Variants in SGCD observed in about 807,000 individuals in gnomAD.
The protein encoded by SGCD is delta-sarcoglycan.
SGCD carries 18 observed loss-of-function variants against 36.6 expected under a neutral mutation model. The ratio of observed to expected loss-of-function variants is 0.49; its 90% CI spans 0.34 to 0.73. SGCD has a LOEUF of 0.73. SGCD is among the 30% of genes least tolerant of loss of function. The probability of loss-of-function intolerance (pLI) is 0.01; values close to 1 mark genes in which losing one functional copy is unlikely to be tolerated. For missense variants in SGCD, 387 were observed against 346.7 expected (o/e 1.12, Z -0.92); for synonymous variants, 133 against 130.6 (o/e 1.02, Z -0.12).
chr5:155,757,654 C>T, the SGCD span, among the ~76,000 whole-genome samples: 2 of 152,056 alleles, frequency 1.3e-5, no homozygotes, highest in Non-Finnish European at 2.9e-5. Flanking sequence ...AGGGACATGC[C>T]CCGGGTTGTA....
intron 3 of SGCD, among the ~76,000 whole-genome samples, chr5:156,143,439 G>T (rs1424755455): frequency 6.6e-6 from 1 of 152,172 alleles, no homozygotes; most frequent in Non-Finnish European, 1.5e-5. Flanking sequence ...TGTGAGAGGA[G>T]CACCAACACC....
chr5:156,197,472 C>CA (rs1764048704), intron 3 of SGCD, among the ~76,000 whole-genome samples: 1 of 134,000 alleles, frequency 7.5e-6, no homozygotes, highest in Non-Finnish European at 1.6e-5. Flanking sequence ...AATAGTTTTC[C>CA]TTTTTTTTTT....
chr5:156,117,195 T>C (rs1761925479), intron 1 of SGCD, among the ~76,000 whole-genome samples: 1 of 152,116 alleles, frequency 6.6e-6, no homozygotes, highest in African/African-American at 2.4e-5. Context: ...GTCCATACTC[T>C]GAATAATTTG....
Position 156,308,592 on chromosome 5 carries a change from C to T in SGCD, c.-43-20942C>T, listed in dbSNP as rs544634596. 6.6e-5 allele frequency among the ~76,000 whole-genome samples: 10 copies of T among 152,204 alleles called. No individual in the cohort carries two copies. The South Asian group carries it at 2.1e-3, about 32-fold the overall frequency. On this transcript the variant is annotated intron_variant, in intron 3 of 9. Coordinates refer to the SGCD transcript ENST00000517913. The stretch of plus-strand genomic sequence containing the variant: ...GGATTACGGGCATGAGCCACCGCAC[C>T]TGGCCAGAAGTGCCATACTTTTAAA...
At chr5:156,271,405 A>G (rs944210434) in intron 3 of SGCD, among the ~76,000 whole-genome samples, 3 of 152,086 alleles carry the variant, frequency 2.0e-5, no homozygotes, top group Non-Finnish European at 2.9e-5. Context: ...AAATCATAAT[A>G]TCTCTGAGGC....
intron 3 of SGCD, among the ~76,000 whole-genome samples, chr5:156,359,248 A>G (rs1769652421): frequency 6.6e-6 from 1 of 152,180 alleles, no homozygotes; most frequent in East Asian, 1.9e-4. Context: ...GTTTATAACA[A>G]GTCTTTTGCT....
chr5:155,902,348 TG>T (rs1756409894), intron 1 of SGCD, among the ~76,000 whole-genome samples: 1 of 152,236 alleles, frequency 6.6e-6, no homozygotes, highest in African/African-American at 2.4e-5. Context: ...AAATGTTAGT[TG>T]GTATTGTTAA....
intron 4 of SGCD, among the ~76,000 whole-genome samples, chr5:156,514,374 T>G (rs1350748966): frequency 6.6e-6 from 1 of 152,224 alleles, no homozygotes; most frequent in African/African-American, 2.4e-5. Context: ...TATCATGAAT[T>G]TATCTTCATG....
At chr5:155,784,352 G>A in the SGCD span, among the ~76,000 whole-genome samples, 1 of 152,316 alleles carries the variant, frequency 6.6e-6, no homozygotes, top group South Asian at 2.1e-4. Flanking sequence ...TGATGTTGAA[G>A]CATAGAGGAT....
chr5:156,741,227 G>T (rs907090442), intron 7 of SGCD, among the ~76,000 whole-genome samples: 3 of 152,148 alleles, frequency 2.0e-5, no homozygotes, highest in Non-Finnish European at 4.4e-5. Context: ...TATGATGAAG[G>T]AAATGAAAAC....
intron 7 of SGCD, among the ~76,000 whole-genome samples, chr5:156,675,970 A>T (rs1753490713): frequency 6.6e-6 from 1 of 152,198 alleles, no homozygotes; most frequent in South Asian, 2.1e-4. Flanking sequence ...TTGTCTGGCT[A>T]CGTTTTATTC....
chr5:156,643,069 G>A (rs550141242), intron 6 of SGCD, among the ~76,000 whole-genome samples: 1 of 117,856 alleles, frequency 8.5e-6, no homozygotes, highest in Non-Finnish European at 1.7e-5. Context: ...TTTCACCCTT[G>A]TTGCCCAGGC....
intron 1 of SGCD, among the ~76,000 whole-genome samples, chr5:155,872,961 A>T (rs1204616987): frequency 6.6e-6 from 1 of 152,216 alleles, no homozygotes; most frequent in Non-Finnish European, 1.5e-5. Context: ...TCTCAAAACA[A>T]ACTGGATATC....
the SGCD span, among the ~76,000 whole-genome samples, chr5:155,734,086 A>T: frequency 0.24 from 34,474 of 146,558 alleles, 5,037 homozygotes; most frequent in East Asian, 0.39. Context: ...ATTATTATAT[A>T]ATATAATAAT....
intron 1 of SGCD, among the ~76,000 whole-genome samples, chr5:155,962,301 C>T (rs562344659): frequency 6.6e-6 from 1 of 152,206 alleles, no homozygotes; most frequent in East Asian, 1.9e-4. Flanking sequence ...TTCATATTTA[C>T]TTCTGGAAAT....
At chr5:156,313,772 G>T in intron 3 of SGCD, among the ~76,000 whole-genome samples, 1 of 151,990 alleles carries the variant, frequency 6.6e-6, no homozygotes, top group East Asian at 1.9e-4. Flanking sequence ...TTAAGTCAAT[G>T]CCATTAACAA....
At chr5:156,015,232 C>T (rs1177186050) in intron 1 of SGCD, among the ~76,000 whole-genome samples, 2 of 151,990 alleles carry the variant, frequency 1.3e-5, no homozygotes, top group Non-Finnish European at 2.9e-5. Context: ...ATTAATATAT[C>T]CATTTATATT....
At chr5:156,254,050 A>G (rs907861089) in intron 3 of SGCD, among the ~76,000 whole-genome samples, 6 of 152,160 alleles carry the variant, frequency 3.9e-5, no homozygotes, top group Admixed American at 2.6e-4. Flanking sequence ...ATCATCGCAA[A>G]TGATGTCAAT....
intron 4 of SGCD, among the ~76,000 whole-genome samples, chr5:156,563,021 A>G (rs143545904): frequency 1.1e-3 from 167 of 152,160 alleles, no homozygotes; most frequent in African/African-American, 4.0e-3. Flanking sequence ...CTTGTTGCCC[A>G]GGTTGGAGTG....
Sources: gnomAD v4.1 joint callset for allele counts (sites outside exome capture counted in the v4.1 genomes callset) on GRCh38, gnomAD v4.1.1 for gene constraint, MANE v1.5 for transcripts, NCBI Gene and HGNC (gene_info 2026-07-23, HGNC 2026-07-21) for gene names.